The following MTAP variants were observed in gnomAD, a reference collection of about 807,000 sequenced individuals.
MTAP encodes the protein methylthioadenosine phosphorylase.
Under a neutral mutation model 33.6 loss-of-function variants are expected in MTAP, and 33 were observed. That is an observed-to-expected ratio of 0.98 (90% CI 0.74 to 1.31). The LOEUF is 1.31. Ranked by LOEUF, MTAP falls within the 40% of genes most tolerant of loss-of-function variation. MTAP has a pLI of 0.00. For synonymous variants in MTAP, 148 were observed against 125.7 expected (o/e 1.18, Z -1.19); for missense variants, 367 against 360.0 (o/e 1.02, Z -0.16).
At chr9:21,834,519 C>G (rs1157545253) in intron 4 of MTAP, among the ~76,000 whole-genome samples, 1 of 152,212 alleles carries the variant, frequency 6.6e-6, no homozygotes, top group Non-Finnish European at 1.5e-5. Context: ...CGGCTGCATT[C>G]CTTTCTGGAG....
Position 21,804,899 on chromosome 9 carries a change from T to C in MTAP, c.33+2118T>C, listed in dbSNP as rs557965583. ...AACTAGATGTGAGGCATTTCTGAAA[T>C]CTGAAGTGTGGTCTCTGCCCTGTTT... On this transcript the variant is annotated intron_variant, in intron 1 of 7. Transcript: ENST00000644715. 5.3e-5 allele frequency among the ~76,000 whole-genome samples: 8 copies of C among 152,306 alleles called. No individual in the cohort carries two copies. The East Asian group carries it at 7.7e-4, about 15-fold the overall frequency.
In MTAP at chr9:21,915,000, T is replaced by TTTCTTTCCTTCCTTCCTTCCTTCC. The variant is rs1818653525; in HGVS notation, c.148-16005_148-16004insTTTCCTTCCTTCCTTCCTTCCTTC. ...TAGCACATATCAATACTTTGTTTTCTTTCCTTCCTTCCTTCCTTCCTTCCT... is the reference window on the plus strand; with the variant it reads ...TAGCACATATCAATACTTTGTTTTCTTTCTTTCCTTCCTTCCTTCCTTCCTTCCTTCCTTCCTTCCTTCCTTCCT... On this transcript the variant is annotated intron_variant, in intron 1 of 1. Transcript: ENST00000577563. 5.7e-4 allele frequency among the ~76,000 whole-genome samples: 48 copies of TTTCTTTCCTTCCTTCCTTCCTTCC among 83,746 alleles called. 1 individual carries two copies. The highest frequency in any genetic ancestry group is 2.5e-3 in the African/African-American group (43 of 17,458). The allele number at this position is 83,746 out of a possible 152,430, so 54.9% of individuals were successfully genotyped here. A position where few individuals can be genotyped will look rare whatever the true frequency, so the allele number is the denominator to read the frequency against.
At chr9:21,901,711 C>G (rs1818395979) in intron 1 of MTAP, among the ~76,000 whole-genome samples, 1 of 152,022 alleles carries the variant, frequency 6.6e-6, no homozygotes, top group South Asian at 2.1e-4. Flanking sequence ...CAGGGGTTTG[C>G]CACAAGGAGG....
intron 4 of MTAP, among the ~76,000 whole-genome samples, chr9:21,835,781 A>G (rs1332295561): frequency 6.6e-6 from 1 of 152,200 alleles, no homozygotes; most frequent in Non-Finnish European, 1.5e-5. Context: ...CAGCATTAAC[A>G]ATGACACATC....
rs758854424 is a variant in MTAP, at chr9:21,859,329, C to T, written c.717C>T (p.Thr239=). ...TTTCGGTGGACCGGGTCTTAAAGAC[C>T]CTGAAAGAAAACGCTAATAAAGCCA... ...EAVSVDRVLK[T]LKENANKAKS... is the part of the protein sequence containing the mutation. The change falls in exon 7 of 8, where the codon ACC becomes ACT. Residue 239 remains threonine (T), a synonymous_variant. Transcript: ENST00000644715. 2.5e-6 allele frequency: 4 copies of T among 1,613,060 alleles called. No individual in the cohort carries two copies. The highest frequency in any genetic ancestry group is 2.5e-6 in the Non-Finnish European group (3 of 1,179,560).
At chr9:21,894,503 T>C (rs979246924) in intron 1 of MTAP, among the ~76,000 whole-genome samples, 9 of 148,444 alleles carry the variant, frequency 6.1e-5, no homozygotes, top group African/African-American at 2.2e-4. Flanking sequence ...GAAGACTCCA[T>C]AGTGAACACT....
intron 1 of MTAP, among the ~76,000 whole-genome samples, chr9:21,885,782 GT>G (rs1818098847): frequency 8.1e-5 from 2 of 24,782 alleles, no homozygotes; most frequent in African/African-American, 3.7e-4. Context: ...ATTACATGGT[GT>G]GTGTGTGTGT....
intron 7 of MTAP, 45 bp downstream of exon 7, chr9:21,859,470 A>G (rs1404889020): frequency 7.8e-6 from 12 of 1,546,894 alleles, no homozygotes; most frequent in South Asian, 3.7e-5. Context: ...TAGACTCTCT[A>G]TTGTCTTCTT....
Position 21,804,023 on chromosome 9 carries a change from C to G in MTAP, c.33+1242C>G, listed in dbSNP as rs1353749064. ...TATTTATAGAAGGCCTCTCCCCTGCCTTCATTGTTTGGCGGAAACAAGGCA... is the reference window on the plus strand; with the variant it reads ...TATTTATAGAAGGCCTCTCCCCTGCGTTCATTGTTTGGCGGAAACAAGGCA... On this transcript the variant is annotated intron_variant, in intron 1 of 7. Coordinates refer to ENST00000644715, the MANE Select transcript of MTAP (RefSeq NM_002451.4). Among the ~76,000 whole-genome samples the G allele has an allele frequency of 3.3e-5, 5 of 152,302 alleles. No individual in the cohort carries two copies. In the East Asian group the frequency reaches 9.6e-4, roughly 29 times the overall value.
intron 1 of MTAP, 131 bp from the exon 2 acceptor site, chr9:21,815,302 C>G: frequency 1.7e-6 from 1 of 588,038 alleles, no homozygotes. Flanking sequence ...CAGTAATTTT[C>G]AGATTTCAAA....
exon 8 of MTAP, chr9:21,936,939 C>T (rs1246975801): frequency 2.0e-5 from 3 of 151,630 alleles, no homozygotes; most frequent in Non-Finnish European, 4.4e-5. Context: ...AAGGTTGTTT[C>T]AGAATGAATG....
Position 21,864,036 on chromosome 9 carries a change from A to T in MTAP, c.*2022A>T. The T allele has an allele frequency of 1.0e-6, 1 of 985,566 alleles. No individual in the cohort carries two copies. The highest frequency in any genetic ancestry group is 1.2e-6 in the Non-Finnish European group (1 of 829,924). The allele number at this position is 985,566 out of a possible 1,614,324, so 61.1% of individuals were successfully genotyped here. A position where few individuals can be genotyped will look rare whatever the true frequency, so the allele number is the denominator to read the frequency against. On this transcript the variant is annotated 3_prime_UTR_variant, in exon 8 of 8. Coordinates refer to ENST00000644715, the MANE Select transcript of MTAP (RefSeq NM_002451.4). ...GTGTGATTGTTTTCACTACAATATGATACATAGATGGTACCTTACTTTTCC... is the reference window on the plus strand; with the variant it reads ...GTGTGATTGTTTTCACTACAATATGTTACATAGATGGTACCTTACTTTTCC...
rs1587257724 is a variant in MTAP at position 21,862,016 on chromosome 9, G to A, written c.*2G>A. 3 of 1,612,162 alleles carry A rather than the reference G, an allele frequency of 1.9e-6. No individual in the cohort carries two copies. On this transcript the variant is annotated 3_prime_UTR_variant, in exon 8 of 8. Transcript: ENST00000644715. ...TCTGTTTTATTACCAAGACATTAAA[G>A]TAGCATGGCTGCCCAGGAGAAAAGA...
chr9:21,832,966 G>A (rs187457963), intron 4 of MTAP, among the ~76,000 whole-genome samples: 8 of 152,268 alleles, frequency 5.3e-5, no homozygotes, highest in Non-Finnish European at 8.8e-5. Flanking sequence ...CCTATGTAGA[G>A]TGAGGATTTT....
chr9:21,937,785 G>C (rs1423827397), downstream of MTAP: 1 of 152,070 alleles, frequency 6.6e-6, no homozygotes, highest in Non-Finnish European at 1.5e-5. Context: ...TTAACCTCAA[G>C]CTAAGTAGGA....
intron 1 of MTAP, among the ~76,000 whole-genome samples, chr9:21,808,640 A>G (rs1824269525): frequency 6.6e-6 from 1 of 151,766 alleles, no homozygotes; most frequent in South Asian, 2.1e-4. Flanking sequence ...ATTCTCTTAC[A>G]GTTCTGGAGT....
chr9:21,824,962 AG>A (rs1340347973), intron 4 of MTAP, among the ~76,000 whole-genome samples: 6 of 152,130 alleles, frequency 3.9e-5, no homozygotes, highest in Admixed American at 2.6e-4. Context: ...GCACAGTATT[AG>A]GGTGGCAGTG....
Position 21,865,753 on chromosome 9 carries a change from AG to A in MTAP, c.*3743del, listed in dbSNP as rs928395765. 1 of 1,040,224 alleles carries A rather than the reference AG, an allele frequency of 9.6e-7. No individual in the cohort carries two copies. Among genetic ancestry groups the A allele is most frequent in the South Asian group, 3.7e-5 (1 of 26,978 alleles). 64.4% of individuals were successfully genotyped at this position (1,040,224 alleles called of 1,614,324 possible). A position where few individuals can be genotyped will look rare whatever the true frequency, so the allele number is the denominator to read the frequency against. ...GAGAACCTCGGGATCCCAAAGAATG[AG>A]GGGAATTTCTTCAGAAAGACAATCT... On this transcript the variant is annotated 3_prime_UTR_variant, in exon 8 of 8. Transcript: ENST00000644715.
At chr9:21,839,166 T>C (rs1282200613) in intron 5 of MTAP, among the ~76,000 whole-genome samples, 1 of 140,854 alleles carries the variant, frequency 7.1e-6, no homozygotes, top group Admixed American at 6.9e-5. Flanking sequence ...AGTACGTCTT[T>C]TACTTGGTTT....
Sources: allele counts gnomAD v4.1 joint callset (sites outside exome capture counted in the v4.1 genomes callset), GRCh38; gene constraint gnomAD v4.1.1; transcripts MANE v1.5; gene names NCBI Gene and HGNC (gene_info 2026-07-23, HGNC 2026-07-21).